ANKRD44: variants seen among roughly 807,000 people sequenced by gnomAD.
The protein encoded by ANKRD44 is serine/threonine-protein phosphatase 6 regulatory ankyrin repeat subunit B.
Under a neutral mutation model 116.0 loss-of-function variants are expected in ANKRD44, and 35 were observed. That is an observed-to-expected ratio of 0.30 (90% confidence interval 0.23 to 0.40). ANKRD44 has a LOEUF of 0.40. Ranked by LOEUF, ANKRD44 falls within the 10% of genes least tolerant of loss-of-function variation. ANKRD44 has a pLI of 1.00. For missense variants in ANKRD44, 1,014 were observed against 1,242.6 expected (o/e 0.82, Z 2.77); for synonymous variants, 435 against 461.8 (o/e 0.94, Z 0.74).
At chr2:197,231,047 A>G (rs1385347236) in intron 1 of ANKRD44, among the ~76,000 whole-genome samples, 2 of 152,186 alleles carry the variant, frequency 1.3e-5, no homozygotes, top group Non-Finnish European at 2.9e-5. Flanking sequence ...GAGGAGGGGA[A>G]TGAAATCAAT....
Position 197,125,849 on chromosome 2 carries a change from G to T in ANKRD44, c.450C>A (p.Asn150Lys). 6.2e-7 allele frequency: 1 copy of T among 1,614,016 alleles called. No homozygotes were observed. Among genetic ancestry groups the T allele is most frequent in the Non-Finnish European group, 8.5e-7 (1 of 1,180,032 alleles). The change falls in exon 5 of 28, where the codon AAC becomes AAA. Residue 150 changes from asparagine to lysine, a missense_variant. Asn to Lys is a moderately conservative substitution (Grantham distance 94). Coordinates refer to ENST00000282272, the MANE Select transcript of ANKRD44 (RefSeq NM_001195144.2). ...GRTALHHAAL[N>K]GHVEMVNLLL... Reference sequence around the variant, plus strand: ...TAAAAATACCCACCTCCACGTGGCCGTTCAGAGCCGCATGGTGCAAGGCTG... The same window carrying T: ...TAAAAATACCCACCTCCACGTGGCCTTTCAGAGCCGCATGGTGCAAGGCTG...
intron 1 of ANKRD44, among the ~76,000 whole-genome samples, chr2:197,301,958 T>C (rs1349477763): frequency 6.6e-6 from 1 of 152,134 alleles, no homozygotes; most frequent in Non-Finnish European, 1.5e-5. Flanking sequence ...GCATTTTAAA[T>C]AGTGTGGTCA....
chr2:197,115,673 T>G (rs969714409), intron 8 of ANKRD44, among the ~76,000 whole-genome samples: 1 of 152,204 alleles, frequency 6.6e-6, no homozygotes, highest in Non-Finnish European at 1.5e-5. Flanking sequence ...TCCCTCAACT[T>G]TTGGAAAATC....
chr2:196,969,269 G>T (rs1269798258), intron 21 of ANKRD44, among the ~76,000 whole-genome samples: 1 of 152,102 alleles, frequency 6.6e-6, no homozygotes, highest in Non-Finnish European at 1.5e-5. Context: ...CATATTTAGA[G>T]ACTTTGATTA....
At chr2:197,161,611 A>G (rs761254305) in intron 2 of ANKRD44, among the ~76,000 whole-genome samples, 1 of 152,112 alleles carries the variant, frequency 6.6e-6, no homozygotes, top group African/African-American at 2.4e-5. Flanking sequence ...ATTAAACACT[A>G]ATATATATTT....
Position 197,109,268 on chromosome 2 carries a change from A to C in ANKRD44, c.985+1498T>G, listed in dbSNP as rs557109993. On this transcript the variant is annotated intron_variant, in intron 9 of 27. Coordinates refer to ENST00000282272, the MANE Select transcript of ANKRD44 (RefSeq NM_001195144.2). Reference sequence around the variant, plus strand: ...ATAAGAGACGTGCTCGAAAGAGACTAGGGTCACTCCCCCCGACCCCCTTTA... The same window carrying C: ...ATAAGAGACGTGCTCGAAAGAGACTCGGGTCACTCCCCCCGACCCCCTTTA... Among the ~76,000 whole-genome samples, 80 of 152,356 alleles carry C rather than the reference A, an allele frequency of 5.3e-4. No homozygotes were observed. The South Asian group carries it at 0.015, about 29-fold the overall frequency.
chr2:197,251,265 CTGT>C (rs1169543322), intron 1 of ANKRD44, among the ~76,000 whole-genome samples: 1 of 152,048 alleles, frequency 6.6e-6, no homozygotes, highest in Admixed American at 6.5e-5. Context: ...CATATTTTGT[CTGT>C]TGTTGTCTAT....
intron 1 of ANKRD44, among the ~76,000 whole-genome samples, chr2:197,204,609 A>G (rs1466563161): frequency 6.6e-6 from 1 of 152,182 alleles, no homozygotes; most frequent in Non-Finnish European, 1.5e-5. Context: ...TGAGTTTTCA[A>G]GAGATGCCAG....
In ANKRD44 at chr2:197,118,637, G is replaced by GAGAGAA. The variant is rs773839262; in HGVS notation, c.906+2694_906+2695insTTCTCT. On this transcript the variant is annotated intron_variant, in intron 8 of 27. Transcript: ENST00000282272. ...AGAAAGAGAGAGAGAGAGAGAGAGA[G>GAGAGAA]AGAAAGAAAGAAAGAAAGAAAGAAA... Among the ~76,000 whole-genome samples the GAGAGAA allele has an allele frequency of 4.1e-3, 462 of 112,402 alleles. 2 individuals carry two copies. The highest frequency in any genetic ancestry group is 7.6e-3 in the African/African-American group (229 of 30,042). The allele number at this position is 112,402 out of a possible 152,430, so 73.7% of individuals were successfully genotyped here.
At chr2:197,089,812 C>T in intron 11 of ANKRD44, 138 bp downstream of exon 11, 1 of 642,310 alleles carries the variant, frequency 1.6e-6, no homozygotes, top group Non-Finnish European at 2.7e-6. Flanking sequence ...ATGCAGTTAG[C>T]TGAGAAATAC....
chr2:197,261,850 T>C (rs1403837777), intron 1 of ANKRD44, among the ~76,000 whole-genome samples: 1 of 152,166 alleles, frequency 6.6e-6, no homozygotes, highest in African/African-American at 2.4e-5. Context: ...ACTGCAGCGA[T>C]GGCCAGAAGA....
chr2:197,272,532 G>A (rs888251796), intron 1 of ANKRD44, among the ~76,000 whole-genome samples: 16 of 152,320 alleles, frequency 1.1e-4, no homozygotes, highest in African/African-American at 3.9e-4. Context: ...CAATGCGCCT[G>A]GCCAATTTCT....
chr2:197,086,757 A>G lies in ANKRD44; in HGVS notation c.1248-9T>C. On this transcript the variant is annotated splice_polypyrimidine_tract_variant and intron_variant, in intron 12 of 27. Coordinates refer to ENST00000282272, the MANE Select transcript of ANKRD44 (RefSeq NM_001195144.2). ...TTATACATTCCACATTACTAGAAAG[A>G]CAGGGAAAACATCATTAAGATGGAA... 6.2e-7 allele frequency: 1 copy of G among 1,613,028 alleles called. No individual in the cohort carries two copies. The highest frequency in any genetic ancestry group is 8.5e-7 in the Non-Finnish European group (1 of 1,179,360).
chr2:197,194,639 T>C (rs982281665), intron 1 of ANKRD44, among the ~76,000 whole-genome samples: 4 of 152,160 alleles, frequency 2.6e-5, no homozygotes, highest in African/African-American at 9.7e-5. Context: ...TATGGAGAAA[T>C]ATTATACACT....
chr2:197,234,897 G>C (rs1225227188), intron 1 of ANKRD44, among the ~76,000 whole-genome samples: 2 of 152,034 alleles, frequency 1.3e-5, no homozygotes, highest in Non-Finnish European at 2.9e-5. Context: ...CATGAAAACA[G>C]GGCGAACTCA....
chr2:197,227,438 C>T (rs1434013325), intron 1 of ANKRD44, among the ~76,000 whole-genome samples: 1 of 152,264 alleles, frequency 6.6e-6, no homozygotes, highest in African/African-American at 2.4e-5. Context: ...AAAGAATAAA[C>T]ATAATTGACA....
intron 7 of ANKRD44, among the ~76,000 whole-genome samples, chr2:197,121,844 A>C (rs1171521389): frequency 6.6e-5 from 10 of 152,174 alleles, no homozygotes; most frequent in Non-Finnish European, 1.3e-4. Context: ...CTTTCAAAAC[A>C]CCAAAAGAGA....
intron 17 of ANKRD44, among the ~76,000 whole-genome samples, chr2:197,016,745 A>C (rs1016378116): frequency 6.6e-6 from 1 of 152,172 alleles, no homozygotes; most frequent in African/African-American, 2.4e-5. Context: ...AGAATTCACA[A>C]AAAAAAGAAA....
chr2:197,224,301 TG>T (rs2081650897), intron 1 of ANKRD44, among the ~76,000 whole-genome samples: 1 of 152,238 alleles, frequency 6.6e-6, no homozygotes, highest in Admixed American at 6.5e-5. Flanking sequence ...TTTGATCAAC[TG>T]TATCCACAAT....
Sources: allele counts gnomAD v4.1 joint callset (sites outside exome capture counted in the v4.1 genomes callset), GRCh38; gene constraint gnomAD v4.1.1; transcripts MANE v1.5; gene names NCBI Gene and HGNC (gene_info 2026-07-23, HGNC 2026-07-21).